The following DMXL1 variants were observed in gnomAD, a reference collection of about 807,000 sequenced individuals.
The protein encoded by DMXL1 is Dmx like 1.
A neutral mutation model predicts 319.2 loss-of-function variants in DMXL1; 99 were observed. That is an observed-to-expected ratio of 0.31 (90% CI 0.26 to 0.37). The LOEUF is 0.37. Ranked by LOEUF, DMXL1 falls within the 10% of genes least tolerant of loss-of-function variation. DMXL1 has a pLI of 1.00. For synonymous variants in DMXL1, 1,385 were observed against 1,235.2 expected (o/e 1.12, Z -2.54); for missense variants, 3,745 against 3,595.6 (o/e 1.04, Z -1.06).
intron 38 of DMXL1, among the ~76,000 whole-genome samples, chr5:119,230,349 G>C (rs1786445504): frequency 6.6e-6 from 1 of 152,058 alleles, no homozygotes; most frequent in Non-Finnish European, 1.5e-5. Context: ...ATTTGGGTCT[G>C]TTTCTATCTT....
At chr5:119,109,513 T>C (rs1448966664) in intron 4 of DMXL1, among the ~76,000 whole-genome samples, 1 of 152,220 alleles carries the variant, frequency 6.6e-6, no homozygotes, top group Non-Finnish European at 1.5e-5. Flanking sequence ...CTCTTCACAG[T>C]CTCACCTTGG....
At chr5:119,121,251 A>C in intron 9 of DMXL1, 112 bp downstream of exon 9, 2 of 816,494 alleles carry the variant, frequency 2.4e-6, no homozygotes, top group Non-Finnish European at 3.5e-6. Context: ...TGACTGTCTT[A>C]GCCTATTTTT....
chr5:119,170,176 G>A lies in DMXL1; in HGVS notation c.5399-14G>A. ...CATAACTTTTCTTGGCTCATAAAAT[G>A]AATTTACTTTCAGATCAAGTTTTAT... On this transcript the variant is annotated splice_polypyrimidine_tract_variant and intron_variant, in intron 23 of 43. Coordinates refer to ENST00000539542, the MANE Select transcript of DMXL1 (RefSeq NM_001290321.3). 1 of 1,578,184 alleles carries A rather than the reference G, an allele frequency of 6.3e-7. No homozygotes were observed. The highest frequency in any genetic ancestry group is 2.2e-5 in the East Asian group (1 of 44,644).
At position 119,118,911 on chromosome 5, in the gene DMXL1, A is replaced by C. The variant is rs765552138; in HGVS notation, c.840A>C (p.Gly280=). 3 of 1,613,802 alleles carry C rather than the reference A, an allele frequency of 1.9e-6. No individual in the cohort carries two copies. The South Asian group carries it at 3.3e-5, about 18-fold the overall frequency. ...TFLPNDCLLY[G]GDCSHWTESI... is the part of the protein sequence containing the mutation. ...TACCAAATGATTGTTTGCTATACGG[A>C]GGTGACTGCAGCCATTGGACTGAAT... The change falls in exon 8 of 44, where the codon GGA becomes GGC. Residue 280 remains glycine (G), a synonymous_variant. Coordinates refer to ENST00000539542, the MANE Select transcript of DMXL1 (RefSeq NM_001290321.3).
chr5:119,191,243 T>G lies in DMXL1; in HGVS notation c.7314+1357T>G, dbSNP rs139300039. On this transcript the variant is annotated intron_variant, in intron 29 of 43. Coordinates refer to ENST00000539542, the MANE Select transcript of DMXL1 (RefSeq NM_001290321.3). ...CAAGGACTGCCTATATAAGTATCTT[T>G]CACTTTTTGTGTCATCAGCCACATC... is the stretch of plus-strand genomic sequence containing the variant. Among the ~76,000 whole-genome samples the G allele has an allele frequency of 8.3e-4, 127 of 152,344 alleles. 4 individuals carry two copies. The East Asian group carries it at 0.021, about 26-fold the overall frequency.
chr5:119,117,837 G>A (rs749377439), intron 7 of DMXL1, among the ~76,000 whole-genome samples: 1 of 152,096 alleles, frequency 6.6e-6, no homozygotes, highest in African/African-American at 2.4e-5. Context: ...TAGTCAGTTA[G>A]GTAAGTTTAA....
At chr5:119,204,551 A>G (rs1051040192) in intron 33 of DMXL1, among the ~76,000 whole-genome samples, 3 of 150,572 alleles carry the variant, frequency 2.0e-5, no homozygotes, top group Admixed American at 6.6e-5. Flanking sequence ...TGATATTATC[A>G]TAATGGGTTT....
intron 10 of DMXL1, 143 bp from the exon 11 acceptor site, chr5:119,132,989 T>G: frequency 1.4e-6 from 1 of 727,254 alleles, no homozygotes. Flanking sequence ...TAGGGTGAGG[T>G]GTGGCGGAAG....
intron 34 of DMXL1, among the ~76,000 whole-genome samples, chr5:119,209,873 T>C (rs1216406621): frequency 6.6e-6 from 1 of 152,254 alleles, no homozygotes; most frequent in Non-Finnish European, 1.5e-5. Flanking sequence ...GTTATTTGTA[T>C]GTTCTGGATA....
intron 1 of DMXL1, among the ~76,000 whole-genome samples, chr5:119,086,013 CT>C (rs1216423440): frequency 6.6e-6 from 1 of 152,110 alleles, no homozygotes; most frequent in East Asian, 1.9e-4. Flanking sequence ...GTATTAGTCT[CT>C]TCATGCTGCT....
chr5:119,098,736 C>T (rs1417019306), intron 2 of DMXL1, among the ~76,000 whole-genome samples: 2 of 152,158 alleles, frequency 1.3e-5, no homozygotes, highest in African/African-American at 2.4e-5. Flanking sequence ...AGTCATACTA[C>T]TAGGCAAGGC....
intron 43 of DMXL1, among the ~76,000 whole-genome samples, chr5:119,245,927 T>C (rs1789677932): frequency 6.6e-6 from 1 of 151,854 alleles, no homozygotes; most frequent in African/African-American, 2.4e-5. Flanking sequence ...AAATATACAA[T>C]GTATTCAGAA....
chr5:119,160,007 T>G (rs561931094), intron 19 of DMXL1, among the ~76,000 whole-genome samples: 24 of 152,296 alleles, frequency 1.6e-4, no homozygotes, highest in African/African-American at 5.5e-4. Flanking sequence ...TTTTTTCCCC[T>G]GTCATTTTTC....
In DMXL1 at chr5:119,170,873, T is replaced by C; in HGVS notation, c.6082T>C (p.Leu2028=). The C allele has an allele frequency of 6.2e-7, 1 of 1,612,436 alleles. No homozygotes were observed. Residue 2028 remains leucine (L), a synonymous_variant, in exon 24 of 44, where the codon TTA becomes CTA. Transcript: ENST00000539542. ...ATCAGAAGATATAATTGCAGTTCAG[T>C]TAAAATTTAGAGCATGTTTAAAGAT... ...NPSEDIIAVQ[L]KFRACLKILT...
intron 9 of DMXL1, among the ~76,000 whole-genome samples, chr5:119,121,977 T>A (rs1762186479): frequency 7.6e-6 from 1 of 131,454 alleles, no homozygotes; most frequent in African/African-American, 2.9e-5. Context: ...CACTTCCCAG[T>A]AGGGGCGGCC....
At chr5:119,177,931 A>G in intron 27 of DMXL1, 65 bp from the exon 28 acceptor site, 1 of 1,382,298 alleles carries the variant, frequency 7.2e-7, no homozygotes, top group Non-Finnish European at 9.6e-7. Context: ...TTAGAAAAAT[A>G]TAGTTAATTT....
Position 119,220,554 on chromosome 5 carries a change from A to T in DMXL1, c.8096A>T (p.Tyr2699Phe). Residue 2699 changes from tyrosine to phenylalanine, a missense_variant, in exon 36 of 44, where the codon TAC becomes TTC. By Grantham distance (22) the Tyr-to-Phe change is conservative. Transcript: ENST00000539542. The stretch of plus-strand genomic sequence containing the variant: ...TCTGGAATTCTGGCCACACAGGTCT[A>T]CACTTGGGTAGATGATGATATAGAA... ...DVSGILATQV[Y>F]TWVDDDIEVE... The T allele has an allele frequency of 6.2e-7, 1 of 1,613,972 alleles. No homozygotes were observed. Among genetic ancestry groups the T allele is most frequent in the Non-Finnish European group, 8.5e-7 (1 of 1,179,906 alleles).
intron 1 of DMXL1, among the ~76,000 whole-genome samples, chr5:119,094,369 C>G (rs1266555565): frequency 6.6e-6 from 1 of 152,192 alleles, no homozygotes; most frequent in African/African-American, 2.4e-5. Context: ...CAACAAAGCC[C>G]GGATGACAGC....
chr5:119,159,266 G>C (rs559259980), intron 19 of DMXL1, among the ~76,000 whole-genome samples: 1 of 152,198 alleles, frequency 6.6e-6, no homozygotes, highest in Admixed American at 6.5e-5. Flanking sequence ...CTGAGTAGCT[G>C]GGGTATTTTT....
Sources: allele counts gnomAD v4.1 joint callset (sites outside exome capture counted in the v4.1 genomes callset), GRCh38; gene constraint gnomAD v4.1.1; transcripts MANE v1.5; gene names NCBI Gene and HGNC (gene_info 2026-07-23, HGNC 2026-07-21).